NEK9: variants seen among roughly 807,000 people sequenced by gnomAD.
The protein encoded by NEK9 is serine/threonine-protein kinase Nek9.
Under a neutral mutation model 123.4 loss-of-function variants are expected in NEK9, and 75 were observed. That is an observed-to-expected ratio of 0.61 (90% confidence interval 0.50 to 0.74). The LOEUF is 0.74. Ranked by LOEUF, NEK9 falls within the 30% of genes least tolerant of loss-of-function variation. The probability of loss-of-function intolerance (pLI) is 0.00; values close to 1 mark genes in which losing one functional copy is unlikely to be tolerated. For missense variants in NEK9, 952 were observed against 1,214.4 expected (o/e 0.78, Z 3.21); for synonymous variants, 438 against 458.7 (o/e 0.95, Z 0.58).
At chr14:75,114,409 A>G in intron 6 of NEK9, 96 bp from the exon 7 acceptor site, 1 of 931,748 alleles carries the variant, frequency 1.1e-6, no homozygotes, top group East Asian at 2.4e-5. Context: ...CCATTATTTA[A>G]AGAATTGGCA....
intron 16 of NEK9, 83 bp downstream of exon 16, chr14:75,100,909 A>G (rs1256028153): frequency 2.9e-6 from 4 of 1,380,152 alleles, no homozygotes; most frequent in South Asian, 1.3e-5. Context: ...AGCTATACAA[A>G]TAACTAGTCC....
At chr14:75,096,977 A>T in intron 17 of NEK9, 123 bp downstream of exon 17, 1 of 857,840 alleles carries the variant, frequency 1.2e-6, no homozygotes, top group Non-Finnish European at 1.7e-6. Context: ...CTTGACCATT[A>T]CAAGACTTAC....
Position 75,105,921 on chromosome 14 carries a change from T to C in NEK9, c.1575+29A>G, listed in dbSNP as rs1164894039. The C allele has an allele frequency of 2.5e-6, 4 of 1,576,464 alleles. No homozygotes were observed. The South Asian group carries it at 4.4e-5, about 17-fold the overall frequency. On this transcript the variant is annotated intron_variant, in intron 13 of 21. Coordinates refer to ENST00000238616, the MANE Select transcript of NEK9 (RefSeq NM_033116.6). ...TGGAGTCTGTGCGACTTAAGATAGG[T>C]TTTAGAAATAAGTTGCTTCTGATTT...
intron 14 of NEK9, among the ~76,000 whole-genome samples, chr14:75,103,355 T>A (rs1894655147): frequency 6.6e-6 from 1 of 152,104 alleles, no homozygotes; most frequent in African/African-American, 2.4e-5. Flanking sequence ...AGGTGATGCA[T>A]GGAAATATGT....
At chr14:75,089,489 A>T (rs982737504) in intron 19 of NEK9, among the ~76,000 whole-genome samples, 1 of 152,034 alleles carries the variant, frequency 6.6e-6, no homozygotes, top group African/African-American at 2.4e-5. Flanking sequence ...TTGGCCTCCC[A>T]AAGTGCTGGG....
At position 75,091,638 on chromosome 14, in the gene NEK9, T is replaced by C. The variant is rs992672276; in HGVS notation, c.2234-160A>G. On this transcript the variant is annotated intron_variant, in intron 18 of 21. Coordinates refer to ENST00000238616, the MANE Select transcript of NEK9 (RefSeq NM_033116.6). ...TTAGGGACTAAATTTTTGGTTTTCATACAAACTATGTTTTGTAATTTTGTA... is the reference window on the plus strand; with the variant it reads ...TTAGGGACTAAATTTTTGGTTTTCACACAAACTATGTTTTGTAATTTTGTA... The C allele has an allele frequency of 1.4e-5, 7 of 501,864 alleles. No homozygotes were observed. The South Asian group carries it at 1.7e-4, about 12-fold the overall frequency. 31.1% of individuals were successfully genotyped at this position (501,864 alleles called of 1,614,324 possible).
rs190097582 is a variant in NEK9 at position 75,122,576 on chromosome 14, C to T, written c.398-1402G>A. On this transcript the variant is annotated intron_variant, in intron 2 of 21. Coordinates refer to ENST00000238616, the MANE Select transcript of NEK9 (RefSeq NM_033116.6). ...CCAGGCTGCAGTGGCATGATCTCCACTCACTGCAACCTCCAACTCCCTGGT... is the reference window on the plus strand; with the variant it reads ...CCAGGCTGCAGTGGCATGATCTCCATTCACTGCAACCTCCAACTCCCTGGT... 2.0e-5 allele frequency among the ~76,000 whole-genome samples: 3 copies of T among 152,114 alleles called. No homozygotes were observed. In the East Asian group the frequency reaches 5.8e-4, roughly 29 times the overall value.
At chr14:75,093,129 T>C (rs1282166647) in intron 18 of NEK9, among the ~76,000 whole-genome samples, 2 of 152,248 alleles carry the variant, frequency 1.3e-5, no homozygotes, top group Non-Finnish European at 2.9e-5. Flanking sequence ...ACTAGCCATA[T>C]GTGCCCGCTT....
chr14:75,126,237 G>C (rs971967449), intron 1 of NEK9, among the ~76,000 whole-genome samples: 8 of 151,992 alleles, frequency 5.3e-5, no homozygotes, highest in African/African-American at 1.9e-4. Flanking sequence ...CAAAAATAAC[G>C]GAGTTGCCAC....
At chr14:75,118,079 CATATAAAG>C (rs1895199073) in intron 5 of NEK9, among the ~76,000 whole-genome samples, 1 of 152,008 alleles carries the variant, frequency 6.6e-6, no homozygotes, top group Non-Finnish European at 1.5e-5. Flanking sequence ...GAGAAAAATC[CATATAAAG>C]ATATGATTGC....
intron 6 of NEK9, among the ~76,000 whole-genome samples, chr14:75,114,563 AT>A (rs1467770122): frequency 6.6e-6 from 1 of 152,226 alleles, no homozygotes; most frequent in Non-Finnish European, 1.5e-5. Context: ...AGAGTATATT[AT>A]AATCTGACCT....
In NEK9 at chr14:75,091,411, C is replaced by T. The variant is rs1422361645; in HGVS notation, c.2301G>A (p.Gln767=). 1 of 1,613,366 alleles carries T rather than the reference C, an allele frequency of 6.2e-7. No homozygotes were observed. Among genetic ancestry groups the T allele is most frequent in the Non-Finnish European group, 8.5e-7 (1 of 1,179,814 alleles). The change falls in exon 19 of 22, where the codon CAG becomes CAA. Residue 767 remains glutamine, a synonymous_variant. Transcript: ENST00000238616. ...GGGGEEEDSQ[Q]ESETPDPSGG... is the part of the protein sequence containing the mutation. ...CACTTGGGTCAGGAGTTTCAGATTC[C>T]TGCTGACTGTCCTCTTCTTCACCAC...
chr14:75,103,193 TAAAA>T (rs565837587), intron 14 of NEK9, among the ~76,000 whole-genome samples: 2 of 113,008 alleles, frequency 1.8e-5, no homozygotes, highest in Non-Finnish European at 3.8e-5. Context: ...AAAAGTATAA[TAAAA>T]AAAAAAAAAA....
chr14:75,090,532 T>C (rs932533658), intron 19 of NEK9, among the ~76,000 whole-genome samples: 4 of 152,066 alleles, frequency 2.6e-5, no homozygotes, highest in Non-Finnish European at 5.9e-5. Flanking sequence ...TGTGAGTAAC[T>C]TTCCATGAAA....
intron 6 of NEK9, chr14:75,116,557 C>T: frequency 3.3e-6 from 1 of 303,888 alleles, no homozygotes; most frequent in Non-Finnish European, 7.1e-6. Flanking sequence ...TGTTCCAATT[C>T]CTACTGCTTG....
chr14:75,090,277 CTTTTTTTT>C (rs543579822), intron 19 of NEK9, among the ~76,000 whole-genome samples: 1 of 118,868 alleles, frequency 8.4e-6, no homozygotes, highest in Admixed American at 8.6e-5. Flanking sequence ...CATGCTCGGT[CTTTTTTTT>C]TTTTTTTTTG....
chr14:75,098,616 T>C (rs940176011), intron 16 of NEK9, among the ~76,000 whole-genome samples: 8 of 152,214 alleles, frequency 5.3e-5, no homozygotes, highest in Non-Finnish European at 8.8e-5. Flanking sequence ...CTGCCTGTGC[T>C]AGTCCCCTAT....
intron 14 of NEK9, among the ~76,000 whole-genome samples, chr14:75,103,094 A>C (rs570252625): frequency 1.3e-5 from 2 of 152,296 alleles, no homozygotes; most frequent in African/African-American, 2.4e-5. Flanking sequence ...CCTAATGTAA[A>C]TGACGAGTTA....
intron 18 of NEK9, among the ~76,000 whole-genome samples, chr14:75,094,536 C>G (rs1183142788): frequency 6.6e-6 from 1 of 152,168 alleles, no homozygotes; most frequent in Non-Finnish European, 1.5e-5. Context: ...TGGCTCATGC[C>G]TGTAATCCCA....
Sources: gnomAD v4.1 joint callset for allele counts (sites outside exome capture counted in the v4.1 genomes callset) on GRCh38, gnomAD v4.1.1 for gene constraint, MANE v1.5 for transcripts, NCBI Gene and HGNC (gene_info 2026-07-23, HGNC 2026-07-21) for gene names.